STAT3: variants seen among roughly 807,000 people sequenced by gnomAD.
STAT3 encodes signal transducer and activator of transcription 3.
Under a neutral mutation model 114.3 loss-of-function variants are expected in STAT3, and 7 were observed. The observed-to-expected ratio is 0.06, with a 90% CI of 0.03 to 0.11. STAT3 has a LOEUF of 0.11. STAT3 is among the 10% of genes least tolerant of loss of function. STAT3 has a pLI of 1.00. For synonymous variants in STAT3, 331 were observed against 354.5 expected (o/e 0.93, Z 0.74); for missense variants, 364 against 960.9 (o/e 0.38, Z 8.21).
At chr17:42,316,622 A>C in intron 23 of STAT3, 167 bp downstream of exon 23, 4 of 1,518,940 alleles carry the variant, frequency 2.6e-6, no homozygotes, top group Non-Finnish European at 3.5e-6. Context: ...GGCTGCTAGA[A>C]GATTTATACT....
Position 42,346,625 on chromosome 17 carries a change from G to C in STAT3, c.217C>G (p.Gln73Glu). 1.2e-6 allele frequency: 2 copies of C among 1,614,060 alleles called. No homozygotes were observed. Among genetic ancestry groups the C allele is most frequent in the Non-Finnish European group, 1.7e-6 (2 of 1,180,022 alleles). Residue 73 changes from glutamine to glutamate, a missense_variant, in exon 3 of 24, where the codon CAA (glutamine) becomes GAA (glutamate). Coordinates refer to ENST00000264657, the MANE Select transcript of STAT3 (RefSeq NM_139276.3). ...EIDQQYSRFL[Q>E]ESNVLYQHNL... ...TGCTGATAGAGAACATTCGACTCTTGCAGGAAGCGGCTATACTGCTGGTCA... is the reference window on the plus strand; with the variant it reads ...TGCTGATAGAGAACATTCGACTCTTCCAGGAAGCGGCTATACTGCTGGTCA...
intron 14 of STAT3, among the ~76,000 whole-genome samples, chr17:42,329,204 G>A (rs1031369770): frequency 2.8e-4 from 43 of 152,226 alleles, no homozygotes; most frequent in Non-Finnish European, 1.6e-4. Flanking sequence ...CCAACTCCCA[G>A]ATATTCACGG....
chr17:42,386,796 TA>T (rs772639883), intron 1 of STAT3: 7 of 152,220 alleles, frequency 4.6e-5, no homozygotes, highest in Non-Finnish European at 8.8e-5. Context: ...TGTGCTAATA[TA>T]GAGACTAAAA....
intron 2 of STAT3, 61 bp downstream of exon 2, chr17:42,348,328 T>G: frequency 5.6e-6 from 9 of 1,607,528 alleles, no homozygotes; most frequent in Non-Finnish European, 7.7e-6. Flanking sequence ...CATTAAGAGT[T>G]CATGTCTCTT....
At chr17:42,362,541 A>T (rs2083565687) in intron 1 of STAT3, among the ~76,000 whole-genome samples, 1 of 152,162 alleles carries the variant, frequency 6.6e-6, no homozygotes. Context: ...AAAAAACAAG[A>T]TTTGTTATCT....
chr17:42,315,083 A>C lies in STAT3; in HGVS notation c.*662T>G, dbSNP rs2081202145. The C allele has an allele frequency of 5.4e-6, 1 of 186,800 alleles. No homozygotes were observed. The highest frequency in any genetic ancestry group is 1.1e-5 in the Non-Finnish European group (1 of 88,618). 11.6% of individuals were successfully genotyped at this position (186,800 alleles called of 1,614,324 possible). A position where few individuals can be genotyped will look rare whatever the true frequency, so the allele number is the denominator to read the frequency against. ...CACCGTGTTAGCCAGGATGGTCTTG[A>C]TCTCCTGACCTTATGATCCGCCTCG... On this transcript the variant is annotated 3_prime_UTR_variant, in exon 24 of 24. Transcript: ENST00000264657.
chr17:42,379,548 G>A (rs186095225), intron 1 of STAT3, among the ~76,000 whole-genome samples: 1 of 152,224 alleles, frequency 6.6e-6, no homozygotes, highest in Admixed American at 6.5e-5. Flanking sequence ...CCTGGCCACC[G>A]GGATGCCTCC....
intron 1 of STAT3, among the ~76,000 whole-genome samples, chr17:42,361,357 C>A (rs1018835428): frequency 6.6e-6 from 1 of 151,974 alleles, no homozygotes; most frequent in Non-Finnish European, 1.5e-5. Context: ...GTGGTGGATG[C>A]CTGTAATTTC....
At chr17:42,344,446 G>C (rs1225353909) in intron 4 of STAT3, among the ~76,000 whole-genome samples, 1 of 150,386 alleles carries the variant, frequency 6.6e-6, no homozygotes, top group Non-Finnish European at 1.5e-5. Flanking sequence ...GCTGGGCGTG[G>C]TGGCTCATGC....
intron 1 of STAT3, among the ~76,000 whole-genome samples, chr17:42,350,682 C>T (rs556387644): frequency 6.6e-6 from 1 of 152,138 alleles, no homozygotes; most frequent in Non-Finnish European, 1.5e-5. Context: ...ACTGTGAAGA[C>T]GGCTGGTGGA....
At chr17:42,377,897 C>G (rs1037336745) in intron 1 of STAT3, among the ~76,000 whole-genome samples, 7 of 152,142 alleles carry the variant, frequency 4.6e-5, no homozygotes, top group African/African-American at 1.4e-4. Context: ...GGTATGAACT[C>G]CCATTGGAAA....
intron 3 of STAT3, among the ~76,000 whole-genome samples, 176 bp from the exon 4 acceptor site, chr17:42,345,833 G>A (rs186571444): frequency 1.3e-5 from 2 of 151,578 alleles, no homozygotes; most frequent in Admixed American, 6.6e-5. Flanking sequence ...GCGAAGGGGA[G>A]GTCGTTACTA....
chr17:42,352,241 A>G (rs1313679390), intron 1 of STAT3, among the ~76,000 whole-genome samples: 2 of 152,120 alleles, frequency 1.3e-5, no homozygotes, highest in South Asian at 4.2e-4. Context: ...CAGGAGGCTG[A>G]GGCAGGAGAA....
rs2081182140 is a variant in STAT3, at chr17:42,314,496, A to G, written c.*1249T>C. 3 of 231,698 alleles carry G rather than the reference A, an allele frequency of 1.3e-5. No individual in the cohort carries two copies. Among genetic ancestry groups the G allele is most frequent in the Non-Finnish European group, 2.6e-5 (3 of 116,964 alleles). 14.4% of individuals were successfully genotyped at this position (231,698 alleles called of 1,614,324 possible). On this transcript the variant is annotated 3_prime_UTR_variant, in exon 24 of 24. Coordinates refer to ENST00000264657, the MANE Select transcript of STAT3 (RefSeq NM_139276.3). ...ACTGGGGTCGGGAGGGTGGGGCAGG[A>G]AGGAAGCCAGAATCAGAAGTATCCC...
At chr17:42,375,476 C>A (rs1351112321) in intron 1 of STAT3, among the ~76,000 whole-genome samples, 1 of 152,160 alleles carries the variant, frequency 6.6e-6, no homozygotes, top group Non-Finnish European at 1.5e-5. Context: ...TTTAGACCAA[C>A]CTTTCTCAAA....
chr17:42,330,266 G>A (rs755497601), intron 11 of STAT3, among the ~76,000 whole-genome samples: 2 of 151,186 alleles, frequency 1.3e-5, no homozygotes, highest in African/African-American at 4.9e-5. Flanking sequence ...ACGGGCATGC[G>A]CCAACACACC....
intron 1 of STAT3, among the ~76,000 whole-genome samples, chr17:42,352,714 G>C (rs1258436009): frequency 6.6e-6 from 1 of 151,272 alleles, no homozygotes; most frequent in Non-Finnish European, 1.5e-5. Flanking sequence ...CTTATGCTAT[G>C]CAAGAACTGA....
intron 1 of STAT3, among the ~76,000 whole-genome samples, chr17:42,384,168 G>A (rs534305768): frequency 6.1e-4 from 87 of 142,126 alleles, no homozygotes; most frequent in Admixed American, 1.1e-3. Context: ...TCGCTCTGTC[G>A]CCCAGGCTGG....
Position 42,317,175 on chromosome 17 carries a change from C to A in STAT3, c.2144+7G>T. 6.2e-7 allele frequency: 1 copy of A among 1,613,984 alleles called. No homozygotes were observed. ...TGAAGGCAAAACGGGGAAAGGAAGC[C>A]ACTTACGGTGTCACACAGATAAACT... is the stretch of plus-strand genomic sequence containing the variant. On this transcript the variant is annotated splice_region_variant and intron_variant, in intron 22 of 23. Transcript: ENST00000264657.
Sources: allele counts gnomAD v4.1 joint callset (sites outside exome capture counted in the v4.1 genomes callset), GRCh38; gene constraint gnomAD v4.1.1; transcripts MANE v1.5; gene names NCBI Gene and HGNC (gene_info 2026-07-23, HGNC 2026-07-21).